MID1: variants seen among roughly 807,000 people sequenced by gnomAD.
The protein encoded by MID1 is E3 ubiquitin-protein ligase Midline-1.
In MID1, 7 loss-of-function variants were observed where a neutral mutation model predicts 40.4. The ratio of observed to expected loss-of-function variants is 0.17; its 90% CI spans 0.10 to 0.33. The LOEUF (loss-of-function observed/expected upper bound fraction) is 0.33. Among genes scored for constraint, MID1 ranks in the 10% least tolerant of loss-of-function variants. The pLI, the probability that MID1 is intolerant of heterozygous loss-of-function variation, is 1.00. For missense variants in MID1, 367 were observed against 558.5 expected (o/e 0.66, Z 3.46); for synonymous variants, 229 against 221.2 (o/e 1.04, Z -0.31).
rs139374171 is a variant in MID1, at chrX:10,498,880, T to G, written c.757-3189A>C. Among the ~76,000 whole-genome samples the G allele has an allele frequency of 7.4e-3, 827 of 111,991 alleles. 9 individuals are homozygous for G. The highest frequency in any genetic ancestry group is 0.025 in the African/African-American group (759 of 30,811). Reference sequence around the variant, plus strand: ...AATAGATGCACACTGATGTTTCTAGTTTTTGTTCACTATAAATAATATTGA... The same window carrying G: ...AATAGATGCACACTGATGTTTCTAGGTTTTGTTCACTATAAATAATATTGA... On this transcript the variant is annotated intron_variant, in intron 3 of 9. Coordinates refer to ENST00000317552, the MANE Select transcript of MID1 (RefSeq NM_000381.4).
At chrX:10,457,569 CCAG>C (rs1461736721) in intron 8 of MID1, among the ~76,000 whole-genome samples, 2 of 111,965 alleles carry the variant, frequency 1.8e-5, no homozygotes. Context: ...GATACTGTGC[CCAG>C]CAGCCAGTCT....
At chrX:10,773,405 G>C (rs985398970) in intron 1 of MID1, among the ~76,000 whole-genome samples, 36 of 112,140 alleles carry the variant, frequency 3.2e-4, no homozygotes, top group African/African-American at 1.2e-3. Context: ...ATTGCGTTCT[G>C]ACCAATGAAG....
intron 2 of MID1, among the ~76,000 whole-genome samples, chrX:10,550,003 G>C (rs1843745114): frequency 8.9e-6 from 1 of 112,931 alleles, no homozygotes; most frequent in South Asian, 3.7e-4. Context: ...AGAATCCACA[G>C]TTTTGCAAGG....
At chrX:10,809,387 A>G (rs2044076912) in intron 1 of MID1, among the ~76,000 whole-genome samples, 1 of 111,868 alleles carries the variant, frequency 8.9e-6, no homozygotes, top group African/African-American at 3.3e-5. Context: ...TCAAGGACCT[A>G]GGGCTAGAAA....
chrX:10,631,200 C>T (rs1936048984), intron 1 of MID1, among the ~76,000 whole-genome samples: 1 of 112,224 alleles, frequency 8.9e-6, no homozygotes, highest in Non-Finnish European at 1.9e-5. Context: ...AATCCTGTCA[C>T]TTAATAGTTG....
At chrX:10,564,320 G>A (rs1159230204) in intron 2 of MID1, among the ~76,000 whole-genome samples, 2 of 112,261 alleles carry the variant, frequency 1.8e-5, no homozygotes, top group Admixed American at 1.9e-4. Context: ...AATAAAACAA[G>A]GATGTACATA....
At chrX:10,661,756 A>C (rs2042915162) in intron 1 of MID1, among the ~76,000 whole-genome samples, 1 of 112,175 alleles carries the variant, frequency 8.9e-6, no homozygotes, top group African/African-American at 3.2e-5. Context: ...ACCATATGAC[A>C]TTACTCTCAA....
intron 7 of MID1, among the ~76,000 whole-genome samples, chrX:10,465,216 C>CAT (rs1569272262): frequency 2.4e-4 from 10 of 41,231 alleles, no homozygotes; most frequent in African/African-American, 9.7e-4. Flanking sequence ...TATATATATA[C>CAT]ACACACACAC....
rs1247562934 is a variant in MID1, at chrX:10,718,568, C to T, written c.-186-98149G>A. 9.9e-5 allele frequency among the ~76,000 whole-genome samples: 11 copies of T among 111,123 alleles called. No individual in the cohort carries two copies. In the South Asian group the frequency reaches 4.1e-3, roughly 42 times the overall value. ...AGGCAATAATTAATAGCTTACCAAC[C>T]AAAAAAAGTCCAGGAACAGATGGAT... On this transcript the variant is annotated intron_variant, in intron 1 of 10. Transcript: ENST00000380785.
At chrX:10,542,462 C>T (rs946469179) in intron 2 of MID1, among the ~76,000 whole-genome samples, 4 of 111,615 alleles carry the variant, frequency 3.6e-5, no homozygotes, top group African/African-American at 1.3e-4. Context: ...GGAAGGGGAA[C>T]TTAAGACCCA....
intron 2 of MID1, among the ~76,000 whole-genome samples, chrX:10,532,770 GGTT>G (rs1345899409): frequency 2.1e-5 from 2 of 94,033 alleles, no homozygotes; most frequent in Non-Finnish European, 4.8e-5. Flanking sequence ...AGCTAAGAAT[GGTT>G]TTTTTTTTTT....
At chrX:10,476,428 C>T (rs1265164732) in intron 5 of MID1, among the ~76,000 whole-genome samples, 1 of 110,053 alleles carries the variant, frequency 9.1e-6, no homozygotes, top group African/African-American at 3.3e-5. Flanking sequence ...GAGGCCTTGG[C>T]CTCCCAAAGT....
At chrX:10,465,187 TTA>T (rs1170214071) in intron 7 of MID1, among the ~76,000 whole-genome samples, 1,450 of 47,976 alleles carry the variant, frequency 0.03, 42 homozygotes, top group East Asian at 0.073. Flanking sequence ...GTCTGAAATT[TTA>T]TATATATATA....
chrX:10,495,632 G>A lies in MID1; in HGVS notation c.816C>T (p.Ile272=), dbSNP rs1931206785. 1 of 1,210,145 alleles carries A rather than the reference G, an allele frequency of 8.3e-7. No homozygotes were observed. The highest frequency in any genetic ancestry group is 1.7e-5 in the African/African-American group (1 of 57,701). ...LTEECDLLIE[I]IQQRRQIIGT... ...CAATAATCTGTCGTCTTTGCTGAATGATCTCAATGAGAAGATCACACTCCT... is the reference window on the plus strand; with the variant it reads ...CAATAATCTGTCGTCTTTGCTGAATAATCTCAATGAGAAGATCACACTCCT... Residue 272 remains isoleucine, a synonymous_variant, in exon 4 of 10, where the codon ATC becomes ATT. Coordinates refer to ENST00000317552, the MANE Select transcript of MID1 (RefSeq NM_000381.4).
intron 1 of MID1, among the ~76,000 whole-genome samples, chrX:10,707,565 T>G (rs1378127867): frequency 1.8e-5 from 2 of 112,302 alleles, no homozygotes; most frequent in Non-Finnish European, 3.8e-5. Context: ...ATTGATAAAA[T>G]CAGAAATATT....
At chrX:10,687,597 TG>T (rs1389407194) in intron 1 of MID1, among the ~76,000 whole-genome samples, 46 of 112,807 alleles carry the variant, frequency 4.1e-4, no homozygotes, top group African/African-American at 1.4e-3. Context: ...CAAGTGAGAA[TG>T]GTGAGTCAAA....
At chrX:10,480,559 G>A (rs1306312999) in intron 5 of MID1, among the ~76,000 whole-genome samples, 1 of 112,186 alleles carries the variant, frequency 8.9e-6, no homozygotes, top group African/African-American at 3.2e-5. Flanking sequence ...ATCTATTAGT[G>A]TCCTAGGTAC....
intron 2 of MID1, among the ~76,000 whole-genome samples, chrX:10,539,692 C>T (rs958082079): frequency 9.4e-6 from 1 of 106,945 alleles, no homozygotes; most frequent in East Asian, 2.8e-4. Flanking sequence ...ACACTATTTA[C>T]AGCTACAGTT....
chrX:10,565,198 T>C (rs1217203344), intron 2 of MID1: 1 of 331,273 alleles, frequency 3.0e-6, no homozygotes, highest in East Asian at 9.7e-5. Context: ...GTTGTCTGTG[T>C]CACCTGAGTC....
Sources: allele counts gnomAD v4.1 joint callset (sites outside exome capture counted in the v4.1 genomes callset), GRCh38; gene constraint gnomAD v4.1.1; transcripts MANE v1.5; gene names NCBI Gene and HGNC (gene_info 2026-07-23, HGNC 2026-07-21).